The following PRKCI variants were observed in gnomAD, a reference collection of about 807,000 sequenced individuals.
The protein encoded by PRKCI is protein kinase C iota type.
PRKCI carries 43 observed loss-of-function variants against 84.0 expected under a neutral mutation model. The ratio of observed to expected loss-of-function variants is 0.51; its 90% CI spans 0.40 to 0.66. The LOEUF (loss-of-function observed/expected upper bound fraction) is 0.66. Among genes scored for constraint, PRKCI ranks in the 30% least tolerant of loss-of-function variants. The pLI is 0.00. For missense variants in PRKCI, 459 were observed against 745.6 expected (o/e 0.62, Z 4.48); for synonymous variants, 216 against 234.4 (o/e 0.92, Z 0.72).
Position 170,276,714 on chromosome 3 carries a change from G to A in PRKCI, c.705+1427G>A, listed in dbSNP as rs186060687. Among the ~76,000 whole-genome samples, 439 of 152,136 alleles carry A rather than the reference G, an allele frequency of 2.9e-3. 1 individual carries two copies. The highest frequency in any genetic ancestry group is 9.2e-3 in the African/African-American group (380 of 41,484). ...AAGAAAACCTAGGAAATATCCTCTC[G>A]ACATTGGCCCCGGCAAAGAATTTTT... On this transcript the variant is annotated intron_variant, in intron 8 of 17. Transcript: ENST00000295797.
intron 4 of PRKCI, among the ~76,000 whole-genome samples, chr3:170,265,500 A>G (rs993836830): frequency 9.2e-5 from 14 of 152,198 alleles, no homozygotes; most frequent in African/African-American, 3.4e-4. Context: ...TAATTTACTA[A>G]TTGTGGATAT....
intron 6 of PRKCI, among the ~76,000 whole-genome samples, chr3:170,272,944 A>G (rs1041615112): frequency 1.7e-4 from 26 of 152,344 alleles, no homozygotes; most frequent in African/African-American, 6.0e-4. Flanking sequence ...TAAAGAATGC[A>G]TATTCCAGAA....
At chr3:170,286,278 A>G (rs1734388963) in intron 12 of PRKCI, among the ~76,000 whole-genome samples, 2 of 152,134 alleles carry the variant, frequency 1.3e-5, no homozygotes, top group Non-Finnish European at 2.9e-5. Flanking sequence ...TAGAAAGCTT[A>G]GCGAGTGGAA....
At chr3:170,274,477 A>G (rs527402565) in intron 7 of PRKCI, among the ~76,000 whole-genome samples, 1 of 152,312 alleles carries the variant, frequency 6.6e-6, no homozygotes, top group Admixed American at 6.5e-5. Context: ...CAGAAGTAGA[A>G]ATTATGTGAA....
chr3:170,301,634 T>C (rs1229388472), intron 17 of PRKCI, among the ~76,000 whole-genome samples: 1 of 152,214 alleles, frequency 6.6e-6, no homozygotes, highest in African/African-American at 2.4e-5. Flanking sequence ...CTGCCAAGTC[T>C]TTGTCTGTGT....
chr3:170,222,802 A>T, intron 1 of PRKCI, 32 bp downstream of exon 1: 2,579 of 612,284 alleles, frequency 4.2e-3, no homozygotes, highest in Non-Finnish European at 6.4e-3. Flanking sequence ...GGTGGGCGGG[A>T]GGGGACAGGC....
At chr3:170,297,640 TGGGG>T in intron 16 of PRKCI, among the ~76,000 whole-genome samples, 1 of 147,908 alleles carries the variant, frequency 6.8e-6, no homozygotes, top group East Asian at 2.0e-4. Context: ...TTAGTAGAGA[TGGGG>T]GGGGTTTCAC....
At chr3:170,256,789 A>G (rs565319401) in intron 2 of PRKCI, among the ~76,000 whole-genome samples, 5 of 151,536 alleles carry the variant, frequency 3.3e-5, no homozygotes, top group African/African-American at 1.2e-4. Context: ...CCTTTTTTTG[A>G]TGTGGGCACT....
At chr3:170,293,547 C>A (rs754305919) in intron 14 of PRKCI, 39 bp downstream of exon 14, 24 of 1,594,454 alleles carry the variant, frequency 1.5e-5, no homozygotes, top group Non-Finnish European at 2.0e-5. Context: ...CTGAGAAAAA[C>A]CTATTCTAGA....
In PRKCI at chr3:170,280,247, T is replaced by C; in HGVS notation, c.726T>C (p.Ser242=). 7 of 1,611,030 alleles carry C rather than the reference T, an allele frequency of 4.3e-6. No individual in the cohort carries two copies. The highest frequency in any genetic ancestry group is 5.9e-6 in the Non-Finnish European group (7 of 1,179,608). The change falls in exon 9 of 18, where the codon AGT becomes AGC. Residue 242 remains serine, a synonymous_variant. Coordinates refer to ENST00000295797, the MANE Select transcript of PRKCI (RefSeq NM_002740.6). ...EEKEAMNTRE[S]GKASSSLGLQ... ...AACAGGCAATGAACACCAGGGAAAG[T>C]GGCAAAGCTTCATCCAGTCTAGGTC...
At chr3:170,259,392 A>G (rs530117389) in intron 2 of PRKCI, among the ~76,000 whole-genome samples, 25 of 152,104 alleles carry the variant, frequency 1.6e-4, no homozygotes, top group African/African-American at 6.0e-4. Flanking sequence ...AAACCAAAGA[A>G]CAAAATTTTA....
At chr3:170,295,848 A>C (rs1446826659) in intron 14 of PRKCI, 63 bp from the exon 15 acceptor site, 3 of 1,019,394 alleles carry the variant, frequency 2.9e-6, no homozygotes, top group Non-Finnish European at 2.8e-6. Context: ...CTTTCAAAAA[A>C]GAAGAAAAAA....
chr3:170,223,587 C>T (rs73181249), intron 1 of PRKCI, among the ~76,000 whole-genome samples: 3 of 152,218 alleles, frequency 2.0e-5, no homozygotes, highest in Non-Finnish European at 2.9e-5. Context: ...ACGCAAAGTG[C>T]CCCCCTTCCT....
intron 2 of PRKCI, among the ~76,000 whole-genome samples, chr3:170,244,103 T>G (rs547225818): frequency 1.3e-5 from 2 of 152,342 alleles, no homozygotes; most frequent in African/African-American, 4.8e-5. Context: ...GTCTGTTGAT[T>G]CCCATGAGAT....
intron 5 of PRKCI, among the ~76,000 whole-genome samples, chr3:170,268,497 G>A (rs979404754): frequency 6.5e-5 from 9 of 139,322 alleles, no homozygotes; most frequent in African/African-American, 1.5e-4. Context: ...AAAAAAAAAA[G>A]CTCCAGATTG....
In PRKCI at chr3:170,293,174, A is replaced by G. The variant is rs191918345; in HGVS notation, c.1292-209A>G. 4.0e-3 allele frequency among the ~76,000 whole-genome samples: 601 copies of G among 152,074 alleles called. 2 individuals carry two copies. The Middle Eastern group carries it at 0.041, about 10-fold the overall frequency. On this transcript the variant is annotated intron_variant, in intron 13 of 17. Transcript: ENST00000295797. ...GAGAAAGAAAGTTTTTTTTTCTCAT[A>G]ATTTTATTTTTAAAATTATCTTTTA... is the stretch of plus-strand genomic sequence containing the variant.
intron 1 of PRKCI, among the ~76,000 whole-genome samples, chr3:170,231,661 C>A (rs1165363109): frequency 6.6e-6 from 1 of 151,980 alleles, no homozygotes; most frequent in Non-Finnish European, 1.5e-5. Context: ...GATGGGGATT[C>A]GCCATGTTGG....
intron 3 of PRKCI, among the ~76,000 whole-genome samples, chr3:170,262,594 C>A (rs539758751): frequency 6.6e-6 from 1 of 152,236 alleles, no homozygotes. Context: ...GATTCCCGGG[C>A]CTCAGCCTCC....
intron 2 of PRKCI, among the ~76,000 whole-genome samples, chr3:170,255,032 A>T (rs1327593210): frequency 1.0e-4 from 11 of 109,516 alleles, no homozygotes; most frequent in Admixed American, 3.6e-4. Context: ...TATGATTTTC[A>T]TTGTAAAGAA....
Sources: gnomAD v4.1 joint callset for allele counts (sites outside exome capture counted in the v4.1 genomes callset) on GRCh38, gnomAD v4.1.1 for gene constraint, MANE v1.5 for transcripts, NCBI Gene and HGNC (gene_info 2026-07-23, HGNC 2026-07-21) for gene names.